SEPTIN3: variants seen among roughly 807,000 people sequenced by gnomAD.
SEPTIN3 encodes the protein neuronal-specific septin-3.
Under a neutral mutation model 45.1 loss-of-function variants are expected in SEPTIN3, and 15 were observed. The observed-to-expected ratio is 0.33, with a 90% CI of 0.22 to 0.51. The LOEUF (loss-of-function observed/expected upper bound fraction) is 0.51, where lower values mean the gene tolerates loss of function less well. Among genes scored for constraint, SEPTIN3 ranks in the 20% least tolerant of loss-of-function variants. SEPTIN3 has a pLI of 0.97. For synonymous variants in SEPTIN3, 148 were observed against 164.8 expected, an observed-to-expected ratio of 0.90 and a Z score of 0.78; for missense variants, 289 against 457.2, an observed-to-expected ratio of 0.63 and a Z score of 3.35.
intron 3 of SEPTIN3, 83 bp downstream of exon 3, chr22:41,981,919 C>A: frequency 8.0e-7 from 1 of 1,247,618 alleles, no homozygotes; most frequent in Non-Finnish European, 1.1e-6. Flanking sequence ...TGGCTGTGAC[C>A]CTGGCTCTTC....
intron 5 of SEPTIN3, 27 bp downstream of exon 5, chr22:41,987,314 C>G (rs983945839): frequency 6.4e-7 from 1 of 1,570,610 alleles, no homozygotes; most frequent in African/African-American, 1.4e-5. Flanking sequence ...GAGATCTTTG[C>G]CCTAAAGACT....
At position 41,994,628 on chromosome 22, in the gene SEPTIN3, C is replaced by G; in HGVS notation, c.2419C>G (p.Leu807Val). The change falls in exon 11 of 12, where the codon CTC becomes GTC. Residue 807 changes from leucine to valine, a missense_variant. This residue lies in a region of SEPTIN3 where 84 missense variants were observed against 114.7 expected (regional missense o/e 0.73). Coordinates refer to ENST00000644076, the MANE Select transcript of SEPTIN3 (RefSeq NM_001363845.2). This position sits in a 1 kb window ranked among gnomAD's most constrained non-coding sequence, Gnocchi z 4.2. ...LLRDFVIRTH[L>V]QDLKEVTHNI... Reference sequence around the variant, plus strand: ...TCACCCTGTGTCCTCTAGGACCCACCTCCAGGACCTCAAGGAAGTGACACA... The same window carrying G: ...TCACCCTGTGTCCTCTAGGACCCACGTCCAGGACCTCAAGGAAGTGACACA... 6.2e-7 allele frequency: 1 copy of G among 1,614,116 alleles called. No homozygotes were observed. Among genetic ancestry groups the G allele is most frequent in the Non-Finnish European group, 8.5e-7 (1 of 1,180,034 alleles).
chr22:41,989,329 G>A (rs1484719260), intron 6 of SEPTIN3, among the ~76,000 whole-genome samples: 1 of 152,134 alleles, frequency 6.6e-6, no homozygotes, highest in Non-Finnish European at 1.5e-5. Flanking sequence ...TGGTTTGAGG[G>A]GGGCTTAAAG....
intron 1 of SEPTIN3, among the ~76,000 whole-genome samples, chr22:41,970,077 C>A (rs1261960565): frequency 6.6e-6 from 1 of 151,972 alleles, no homozygotes; most frequent in Non-Finnish European, 1.5e-5. Flanking sequence ...GCCCTGCCTT[C>A]CCCGTCCCTG....
rs550884693 is a variant in SEPTIN3 at position 41,991,814 on chromosome 22, G to A, written c.2259+146G>A. ...GACCAGAAGTGACATAGGGGGATGG[G>A]GAGGACTATGGCCCTGGACTGTGAA... On this transcript the variant is annotated intron_variant, in intron 8 of 11. Coordinates refer to ENST00000644076, the MANE Select transcript of SEPTIN3 (RefSeq NM_001363845.2). 109 of 674,422 alleles carry A rather than the reference G, an allele frequency of 1.6e-4. No individual in the cohort carries two copies. The Middle Eastern group carries it at 1.8e-3, about 11-fold the overall frequency. 41.8% of individuals were successfully genotyped at this position (674,422 alleles called of 1,614,324 possible).
In SEPTIN3 at chr22:41,972,864, C is replaced by T; in HGVS notation, c.1372C>T (p.Leu458=). 1 of 399,272 alleles carries T rather than the reference C, an allele frequency of 2.5e-6. No homozygotes were observed. Among genetic ancestry groups the T allele is most frequent in the East Asian group, 3.6e-5 (1 of 28,088 alleles). The allele number at this position is 399,272 out of a possible 1,614,324, so 24.7% of individuals were successfully genotyped here. Residue 458 remains leucine, a synonymous_variant, in exon 2 of 12, where the codon CTA becomes TTA. Transcript: ENST00000644076. ...GKTTLGSVNN[L]TISDVATCLL... is the part of the protein sequence containing the mutation. ...GACCACACTGGGCAGTGTTAATAAC[C>T]TAACCATATCAGACGTTGCTACATG...
intron 4 of SEPTIN3, among the ~76,000 whole-genome samples, chr22:41,986,694 G>T (rs1169951224): frequency 6.6e-6 from 1 of 152,008 alleles, no homozygotes; most frequent in African/African-American, 2.4e-5. Flanking sequence ...GTAGAGATGG[G>T]GTTTCACTGT....
rs1874471695 is a variant in SEPTIN3 at position 41,972,560 on chromosome 22, A to G, written c.1068A>G (p.Glu356=). The G allele has an allele frequency of 2.5e-6, 1 of 399,150 alleles. No homozygotes were observed. Among genetic ancestry groups the G allele is most frequent in the Non-Finnish European group, 4.4e-6 (1 of 226,148 alleles). The allele number at this position is 399,150 out of a possible 1,614,324, so 24.7% of individuals were successfully genotyped here. ...TGGTCATGGATTTGATAGCCTCAGA[A>G]CCAGACAAGCTGGGCAAAGCCATGG... is the stretch of plus-strand genomic sequence containing the variant. ...PGMVMDLIAS[E]PDKLGKAMAT... is the part of the protein sequence containing the mutation. The change falls in exon 2 of 12, where the codon GAA becomes GAG. Residue 356 remains glutamate (E), a synonymous_variant. Coordinates refer to ENST00000644076, the MANE Select transcript of SEPTIN3 (RefSeq NM_001363845.2).
At chr22:41,996,134 C>T in intron 11 of SEPTIN3, 1 of 985,116 alleles carries the variant, frequency 1.0e-6, no homozygotes. Flanking sequence ...TCCCTAATTC[C>T]CTCTCCTCCT....
intron 5 of SEPTIN3, 65 bp downstream of exon 5, chr22:41,987,352 A>T: frequency 7.0e-7 from 1 of 1,425,026 alleles, no homozygotes. Flanking sequence ...ACTATGGTGC[A>T]GATTCATTCA....
intron 2 of SEPTIN3, chr22:41,977,026 G>C (rs372675914): frequency 1.9e-6 from 3 of 1,586,486 alleles, no homozygotes; most frequent in Non-Finnish European, 2.6e-6. Context: ...CCCCGCGCCC[G>C]GAGCATCTCC....
At chr22:41,989,126 C>A (rs1396155573) in intron 6 of SEPTIN3, among the ~76,000 whole-genome samples, 998 of 88,036 alleles carry the variant, frequency 0.011, no homozygotes, top group African/African-American at 0.021. Flanking sequence ...GACCCTGTCT[C>A]AAAAAAAAAA....
chr22:41,979,218 C>G (rs2078082476), intron 2 of SEPTIN3, among the ~76,000 whole-genome samples: 1 of 152,134 alleles, frequency 6.6e-6, no homozygotes, highest in South Asian at 2.1e-4. Context: ...GTAGGACCCT[C>G]TCTCCATCAG....
intron 2 of SEPTIN3, among the ~76,000 whole-genome samples, chr22:41,979,652 C>A (rs1182008316): frequency 6.6e-6 from 1 of 152,208 alleles, no homozygotes; most frequent in African/African-American, 2.4e-5. Context: ...CTGGGAACAG[C>A]TTCCTGGGAA....
chr22:41,979,042 G>A (rs1243338262), intron 2 of SEPTIN3, among the ~76,000 whole-genome samples: 1 of 152,162 alleles, frequency 6.6e-6, no homozygotes, highest in Admixed American at 6.6e-5. Context: ...CATGTGACTG[G>A]CATGTCACTG....
intron 2 of SEPTIN3, among the ~76,000 whole-genome samples, chr22:41,975,264 A>C (rs981270434): frequency 2.6e-5 from 4 of 152,198 alleles, no homozygotes; most frequent in African/African-American, 2.4e-5. Context: ...GCTGATTGGA[A>C]TCCAGATTGT....
Position 41,972,240 on chromosome 22 carries a change from G to T in SEPTIN3, c.748G>T (p.Ala250Ser), listed in dbSNP as rs2077967668. ...CAGACCCCGGGGGCGTCTCCAAAGG[G>T]CCAACACGACTGTGAATTTGACTGC... The part of the protein sequence containing the change: ...IPRPRGRLQR[A>S]NTTVNLTAMD... Residue 250 changes from alanine to serine, a missense_variant, in exon 2 of 12, where the codon GCC becomes TCC. By Grantham distance (99) the Ala-to-Ser change is moderately conservative (BLOSUM62 1). This residue lies in a region of SEPTIN3 where 200 missense variants were observed against 315.1 expected (regional missense o/e 0.63). Coordinates refer to ENST00000644076, the MANE Select transcript of SEPTIN3 (RefSeq NM_001363845.2). 2 of 399,006 alleles carry T rather than the reference G, an allele frequency of 5.0e-6. No individual in the cohort carries two copies. The highest frequency in any genetic ancestry group is 8.8e-6 in the Non-Finnish European group (2 of 226,118). 24.7% of individuals were successfully genotyped at this position (399,006 alleles called of 1,614,324 possible).
chr22:41,989,302 A>G (rs995609975), intron 6 of SEPTIN3, among the ~76,000 whole-genome samples: 2 of 152,154 alleles, frequency 1.3e-5, no homozygotes, highest in African/African-American at 4.8e-5. Context: ...TGAGTCAGAA[A>G]AGATGTCCTG....
At chr22:41,969,951 A>C (rs2077941964) in intron 1 of SEPTIN3, among the ~76,000 whole-genome samples, 1 of 152,072 alleles carries the variant, frequency 6.6e-6, no homozygotes, top group Admixed American at 6.6e-5. Context: ...GGCTGCAGTG[A>C]TAGGCCAGGT....
Sources: allele counts gnomAD v4.1 joint callset (sites outside exome capture counted in the v4.1 genomes callset), GRCh38; gene constraint gnomAD v4.1.1; regional missense constraint gnomAD v4.1.1; non-coding constraint Gnocchi (gnomAD v3.1); transcripts MANE v1.5; gene names NCBI Gene and HGNC (gene_info 2026-07-23, HGNC 2026-07-21).